Variants in SNTG1 observed in about 807,000 individuals in gnomAD.
The protein encoded by SNTG1 is syntrophin gamma 1.
In SNTG1, 39 loss-of-function variants were observed where a neutral mutation model predicts 74.7. The observed-to-expected ratio is 0.52, with a 90% CI of 0.40 to 0.68. The LOEUF (loss-of-function observed/expected upper bound fraction) is 0.68. Ranked by LOEUF, SNTG1 falls within the 30% of genes least tolerant of loss-of-function variation. The pLI is 0.00. For synonymous variants in SNTG1, 254 were observed against 217.1 expected (o/e 1.17, Z -1.49); for missense variants, 685 against 609.5 (o/e 1.12, Z -1.30).
chr8:50,034,676 C>T (rs1362359461), intron 1 of SNTG1, among the ~76,000 whole-genome samples: 5 of 151,940 alleles, frequency 3.3e-5, no homozygotes, highest in Non-Finnish European at 7.4e-5. Context: ...TTGTCTTGGG[C>T]CACACATAAA....
chr8:50,610,536 C>A (rs1465054212), intron 13 of SNTG1, among the ~76,000 whole-genome samples: 1 of 152,114 alleles, frequency 6.6e-6, no homozygotes, highest in Non-Finnish European at 1.5e-5. Context: ...GACAATTTCC[C>A]CAGTAAGCAT....
chr8:50,259,635 C>A (rs1586873989), intron 2 of SNTG1, among the ~76,000 whole-genome samples: 2 of 151,790 alleles, frequency 1.3e-5, no homozygotes, highest in African/African-American at 4.8e-5. Flanking sequence ...CCTAGACAAT[C>A]CATCTTAAAA....
chr8:49,975,841 T>C (rs6993629), intron 1 of SNTG1, among the ~76,000 whole-genome samples: 7,452 of 152,096 alleles, frequency 0.049, 609 homozygotes, highest in African/African-American at 0.17. Flanking sequence ...GTCTTAGAGA[T>C]AAATTAATGG....
chr8:50,778,302 A>C (rs1215199914), intron 18 of SNTG1, among the ~76,000 whole-genome samples: 1 of 152,194 alleles, frequency 6.6e-6, no homozygotes, highest in African/African-American at 2.4e-5. Context: ...TGGTTGAACT[A>C]GTTTACAGTC....
At chr8:50,661,694 C>G (rs2095224472) in intron 15 of SNTG1, among the ~76,000 whole-genome samples, 1 of 152,128 alleles carries the variant, frequency 6.6e-6, no homozygotes, top group South Asian at 2.1e-4. Context: ...AATGATGTCT[C>G]TCCCCTTGCC....
intron 2 of SNTG1, among the ~76,000 whole-genome samples, chr8:50,376,651 C>A (rs1221970251): frequency 6.7e-6 from 1 of 148,868 alleles, no homozygotes; most frequent in African/African-American, 2.5e-5. Flanking sequence ...TGCCTGCTTC[C>A]ATGAATCCCA....
intron 1 of SNTG1, among the ~76,000 whole-genome samples, chr8:50,143,890 T>C (rs1336149284): frequency 2.0e-5 from 3 of 152,192 alleles, no homozygotes; most frequent in Non-Finnish European, 4.4e-5. Context: ...AGTTACATCA[T>C]ATACCTTAAT....
intron 1 of SNTG1, among the ~76,000 whole-genome samples, chr8:49,969,285 C>A (rs958866995): frequency 6.6e-6 from 1 of 151,366 alleles, no homozygotes; most frequent in Non-Finnish European, 1.5e-5. Context: ...TGCGAGGAAA[C>A]CTTGGATTTG....
intron 18 of SNTG1, among the ~76,000 whole-genome samples, chr8:50,777,348 A>G (rs2095643864): frequency 2.0e-5 from 3 of 149,834 alleles, no homozygotes. Context: ...AATTCTCACA[A>G]TTCTTTTATC....
rs1279285649 is a variant in SNTG1, at chr8:50,713,958, C to T, written c.1284+4980C>T. 2.0e-5 allele frequency among the ~76,000 whole-genome samples: 3 copies of T among 150,522 alleles called. No individual in the cohort carries two copies. In the East Asian group the frequency reaches 6.0e-4, roughly 30 times the overall value. On this transcript the variant is annotated intron_variant, in intron 17 of 18. Transcript: ENST00000642720. ...CCTGTAATCCCAGCTACTCAGGAGG[C>T]TGAGGCAGGAGAATTGCTTGAACCC...
chr8:50,066,102 C>T (rs1418013742), intron 1 of SNTG1, among the ~76,000 whole-genome samples: 1 of 152,116 alleles, frequency 6.6e-6, no homozygotes, highest in African/African-American at 2.4e-5. Flanking sequence ...TTAATCCCAG[C>T]TACTCAGGAG....
chr8:50,733,396 A>C (rs1260585163), intron 17 of SNTG1, among the ~76,000 whole-genome samples: 1 of 151,942 alleles, frequency 6.6e-6, no homozygotes, highest in Non-Finnish European at 1.5e-5. Flanking sequence ...GAACACATGA[A>C]TGAATGTATC....
At chr8:50,356,613 A>G (rs544261771) in intron 2 of SNTG1, among the ~76,000 whole-genome samples, 1 of 152,262 alleles carries the variant, frequency 6.6e-6, no homozygotes, top group South Asian at 2.1e-4. Context: ...CTGTCCTCCC[A>G]TGGCAGAAAG....
At chr8:50,521,803 A>T (rs1357396275) in intron 9 of SNTG1, among the ~76,000 whole-genome samples, 1 of 152,048 alleles carries the variant, frequency 6.6e-6, no homozygotes, top group African/African-American at 2.4e-5. Context: ...TCAAGAAAAC[A>T]CTCATGAGAT....
At chr8:50,697,815 A>T (rs1441796305) in intron 15 of SNTG1, among the ~76,000 whole-genome samples, 1 of 151,946 alleles carries the variant, frequency 6.6e-6, no homozygotes, top group African/African-American at 2.4e-5. Flanking sequence ...TATCTTTTTG[A>T]TGTGTTGGAT....
chr8:50,123,881 G>A lies in SNTG1; in HGVS notation c.-102-48680G>A, dbSNP rs760906295. Reference sequence around the variant, plus strand: ...CAGGTAGTAAGTAGCAGGGCTTGGAGTCAAACGTAGACATCCCATTTCCCA... The same window carrying A: ...CAGGTAGTAAGTAGCAGGGCTTGGAATCAAACGTAGACATCCCATTTCCCA... On this transcript the variant is annotated intron_variant, in intron 1 of 18. Transcript: ENST00000642720. Among the ~76,000 whole-genome samples, 55 of 142,490 alleles carry A rather than the reference G, an allele frequency of 3.9e-4. 13 individuals are homozygous for A. Among genetic ancestry groups the A allele is most frequent in the Admixed American group, 2.3e-3 (32 of 13,890 alleles). The allele number at this position is 142,490 out of a possible 152,430, so 93.5% of individuals were successfully genotyped here. A position where few individuals can be genotyped will look rare whatever the true frequency, so the allele number is the denominator to read the frequency against.
intron 1 of SNTG1, among the ~76,000 whole-genome samples, chr8:49,964,471 TAGAC>T (rs1485410127): frequency 6.6e-6 from 1 of 152,240 alleles, no homozygotes; most frequent in African/African-American, 2.4e-5. Flanking sequence ...GGTAGATTGA[TAGAC>T]AGGTAGATGA....
At chr8:49,997,494 C>T (rs1010365751) in intron 1 of SNTG1, among the ~76,000 whole-genome samples, 1 of 152,110 alleles carries the variant, frequency 6.6e-6, no homozygotes, top group Non-Finnish European at 1.5e-5. Context: ...CTTTATTTCA[C>T]TATGAATTCC....
intron 1 of SNTG1, among the ~76,000 whole-genome samples, chr8:50,027,483 G>T (rs1817368546): frequency 6.6e-6 from 1 of 152,198 alleles, no homozygotes; most frequent in Non-Finnish European, 1.5e-5. Flanking sequence ...GAGATTATAT[G>T]GATTAGGGTG....
Sources: allele counts gnomAD v4.1 joint callset (sites outside exome capture counted in the v4.1 genomes callset), GRCh38; gene constraint gnomAD v4.1.1; transcripts MANE v1.5; gene names NCBI Gene and HGNC (gene_info 2026-07-23, HGNC 2026-07-21).